The following ASH1L variants were observed in gnomAD, a reference collection of about 807,000 sequenced individuals.
The protein encoded by ASH1L is histone-lysine N-methyltransferase ASH1L.
Under a neutral mutation model 269.0 loss-of-function variants are expected in ASH1L, and 23 were observed. The ratio of observed to expected loss-of-function variants is 0.09; its 90% CI spans 0.06 to 0.12. The LOEUF is 0.12. ASH1L is among the 10% of genes least tolerant of loss of function. ASH1L has a pLI of 1.00. For missense variants in ASH1L, 2,912 were observed against 3,567.8 expected, an observed-to-expected ratio of 0.82 and a Z score of 4.68; for synonymous variants, 1,187 against 1,253.5, an observed-to-expected ratio of 0.95 and a Z score of 1.12.
At chr1:155,453,083 A>T (rs1186495618) in intron 4 of ASH1L, among the ~76,000 whole-genome samples, 3 of 152,186 alleles carry the variant, frequency 2.0e-5, no homozygotes, top group Non-Finnish European at 4.4e-5. Context: ...GGCCAGGCAC[A>T]GTGGCTCAGG....
intron 1 of ASH1L, among the ~76,000 whole-genome samples, chr1:155,554,477 G>A (rs1299569270): frequency 6.6e-6 from 1 of 152,104 alleles, no homozygotes; most frequent in African/African-American, 2.4e-5. Context: ...TCTCCATGTT[G>A]GTCAGGCTGG....
intron 7 of ASH1L, among the ~76,000 whole-genome samples, chr1:155,381,596 G>A (rs796797310): frequency 9.2e-5 from 14 of 152,176 alleles, no homozygotes; most frequent in African/African-American, 3.4e-4. Flanking sequence ...CCTTGGCTGG[G>A]CGCAATGGTT....
chr1:155,436,707 G>A (rs1189372934), intron 5 of ASH1L, among the ~76,000 whole-genome samples: 1 of 150,658 alleles, frequency 6.6e-6, no homozygotes, highest in Non-Finnish European at 1.5e-5. Context: ...ATGTTGGTTA[G>A]GCTGGTCTTG....
In ASH1L at chr1:155,349,336, CCGA is replaced by C; in HGVS notation, c.7542_7544del (p.Phe2514_Arg2515delinsLeu). The C allele has an allele frequency of 6.2e-7, 1 of 1,611,994 alleles. No homozygotes were observed. Among genetic ancestry groups the C allele is most frequent in the Non-Finnish European group, 8.5e-7 (1 of 1,178,810 alleles). Reference sequence around the variant, plus strand: ...AGTCAGTGAAAAATACCTCAGCATTCCGAAAGACTTTGAGCATGTCAGCATCAA... The same window carrying C: ...AGTCAGTGAAAAATACCTCAGCATTCAAGACTTTGAGCATGTCAGCATCAA... On this transcript the variant is annotated inframe_deletion, in exon 19 of 28. Coordinates refer to ENST00000392403, the MANE Select transcript of ASH1L (RefSeq NM_018489.3).
At chr1:155,504,854 CAAAA>C (rs397860297) in intron 2 of ASH1L, among the ~76,000 whole-genome samples, 1 of 77,134 alleles carries the variant, frequency 1.3e-5, no homozygotes, top group Non-Finnish European at 2.7e-5. Flanking sequence ...AACTCCATCT[CAAAA>C]AAAAAAAAAA....
intron 6 of ASH1L, among the ~76,000 whole-genome samples, chr1:155,412,258 A>T (rs563626288): frequency 3.3e-5 from 5 of 150,588 alleles, no homozygotes; most frequent in East Asian, 3.9e-4. Context: ...AAAAAAAAAA[A>T]TTTAGCTGGG....
chr1:155,390,542 AAATT>A (rs972400733), intron 7 of ASH1L, among the ~76,000 whole-genome samples: 10 of 152,344 alleles, frequency 6.6e-5, no homozygotes, highest in South Asian at 6.2e-4. Context: ...CTATAGAACA[AAATT>A]AATTCTAAAG....
At chr1:155,552,745 T>C (rs1452389854) in intron 1 of ASH1L, among the ~76,000 whole-genome samples, 2 of 152,108 alleles carry the variant, frequency 1.3e-5, no homozygotes, top group Admixed American at 6.6e-5. Flanking sequence ...ATGCTAAAAA[T>C]TGAAAATGGA....
At chr1:155,494,435 C>T (rs1667020516) in intron 2 of ASH1L, among the ~76,000 whole-genome samples, 1 of 152,060 alleles carries the variant, frequency 6.6e-6, no homozygotes, top group Non-Finnish European at 1.5e-5. Context: ...TTTATGGGTA[C>T]TTACTGTTGT....
rs190152845 is a variant in ASH1L at position 155,487,941 on chromosome 1, G to A, written c.421-5492C>T. ...CTTGCCCTGTTGCCCAAGCAGGAGCGCAGTGGCGCCATCTCGGCTCACTGC... is the reference window on the plus strand; with the variant it reads ...CTTGCCCTGTTGCCCAAGCAGGAGCACAGTGGCGCCATCTCGGCTCACTGC... On this transcript the variant is annotated intron_variant, in intron 2 of 27. Coordinates refer to ENST00000392403, the MANE Select transcript of ASH1L (RefSeq NM_018489.3). Among the ~76,000 whole-genome samples the A allele has an allele frequency of 3.7e-4, 56 of 150,748 alleles. 2 individuals are homozygous for A. The highest frequency in any genetic ancestry group is 2.8e-3 in the Admixed American group (42 of 15,114).
chr1:155,503,531 TTAA>T lies in ASH1L; in HGVS notation c.420+17566_420+17568del, dbSNP rs199763044. On this transcript the variant is annotated intron_variant, in intron 2 of 27. Transcript: ENST00000392403. ...AGTGAGTTCTGGTTACAATTTCACCTTAATAACATTTCTGACATCTTTGTTGAC... is the reference window on the plus strand; with the variant it reads ...AGTGAGTTCTGGTTACAATTTCACCTTAACATTTCTGACATCTTTGTTGAC... 7.2e-3 allele frequency among the ~76,000 whole-genome samples: 1,101 copies of T among 152,342 alleles called. 18 individuals are homozygous for T. Among genetic ancestry groups the T allele is most frequent in the African/African-American group, 0.026 (1,063 of 41,588 alleles).
At chr1:155,414,437 G>A (rs1660044993) in intron 6 of ASH1L, among the ~76,000 whole-genome samples, 1 of 152,002 alleles carries the variant, frequency 6.6e-6, no homozygotes, top group African/African-American at 2.4e-5. Flanking sequence ...AGCCTCCCAA[G>A]TAGCTGGGAT....
intron 1 of ASH1L, among the ~76,000 whole-genome samples, chr1:155,555,625 A>G (rs1671534894): frequency 6.6e-6 from 1 of 152,114 alleles, no homozygotes; most frequent in South Asian, 2.1e-4. Context: ...TCTCTTGTGC[A>G]TTTGAAAAAA....
intron 2 of ASH1L, among the ~76,000 whole-genome samples, chr1:155,496,095 T>A (rs1667137330): frequency 6.6e-6 from 1 of 152,262 alleles, no homozygotes; most frequent in Non-Finnish European, 1.5e-5. Flanking sequence ...GACTCTTTTG[T>A]AGTAACAGCT....
At chr1:155,393,231 C>T (rs552091995) in intron 7 of ASH1L, among the ~76,000 whole-genome samples, 1 of 152,096 alleles carries the variant, frequency 6.6e-6, no homozygotes, top group Non-Finnish European at 1.5e-5. Context: ...CCACCCAATA[C>T]AGAATAATTC....
Position 155,370,896 on chromosome 1 carries a change from T to G in ASH1L, c.6420A>C (p.Gln2140His). Reference protein sequence around the residue: ...NQRIQRHEWVQCLERFRAEEK... With the variant: ...NQRIQRHEWVHCLERFRAEEK... ...CCTCAGCTCGAAATCGTTCTAGACA[T>G]TGCACCCATTCATGCCTCTGTATCC... is the stretch of plus-strand genomic sequence containing the variant. The change falls in exon 11 of 28, where the codon CAA becomes CAC. Residue 2140 changes from glutamine (Q) to histidine (H), a missense_variant. By Grantham distance (24) the Gln-to-His change is conservative (BLOSUM62 0). This residue lies in a region of ASH1L where 193 missense variants were observed against 311.6 expected (regional missense o/e 0.62). Coordinates refer to ENST00000392403, the MANE Select transcript of ASH1L (RefSeq NM_018489.3). The G allele has an allele frequency of 6.2e-7, 1 of 1,614,182 alleles. No individual in the cohort carries two copies. Among genetic ancestry groups the G allele is most frequent in the Non-Finnish European group, 8.5e-7 (1 of 1,180,038 alleles).
chr1:155,555,112 A>C (rs2148919801), intron 1 of ASH1L, among the ~76,000 whole-genome samples: 1 of 148,574 alleles, frequency 6.7e-6, no homozygotes, highest in East Asian at 2.0e-4. Context: ...ACTACACTTC[A>C]GCTTTGGGGA....
At chr1:155,529,397 TGA>T (rs1408078121) in intron 1 of ASH1L, among the ~76,000 whole-genome samples, 2 of 151,394 alleles carry the variant, frequency 1.3e-5, no homozygotes, top group Non-Finnish European at 2.9e-5. Context: ...CTGAATGATG[TGA>T]GATGGTCTCA....
At chr1:155,420,147 G>A (rs780904321) in intron 5 of ASH1L, among the ~76,000 whole-genome samples, 60 of 151,410 alleles carry the variant, frequency 4.0e-4, no homozygotes, top group Non-Finnish European at 7.1e-4. Context: ...GTGAAACCCC[G>A]TCTCTACTTA....
Sources: allele counts gnomAD v4.1 joint callset (sites outside exome capture counted in the v4.1 genomes callset), GRCh38; gene constraint gnomAD v4.1.1; regional missense constraint gnomAD v4.1.1; transcripts MANE v1.5; gene names NCBI Gene and HGNC (gene_info 2026-07-23, HGNC 2026-07-21).